The following PAK5 variants were observed in gnomAD, a reference collection of about 807,000 sequenced individuals.
PAK5 encodes serine/threonine-protein kinase PAK 5.
In PAK5, 16 loss-of-function variants were observed where a neutral mutation model predicts 65.9. The observed-to-expected ratio is 0.24, with a 90% CI of 0.16 to 0.37. PAK5 has a LOEUF of 0.37. Ranked by LOEUF, PAK5 falls within the 10% of genes least tolerant of loss-of-function variation. The pLI is 1.00. For missense variants in PAK5, 785 were observed against 903.9 expected (o/e 0.87, Z 1.69); for synonymous variants, 371 against 354.9 (o/e 1.05, Z -0.51).
chr20:9,593,757 A>T (rs2046215317), intron 3 of PAK5, among the ~76,000 whole-genome samples: 1 of 152,132 alleles, frequency 6.6e-6, no homozygotes, highest in Non-Finnish European at 1.5e-5. Flanking sequence ...CTATATACAG[A>T]ATCAAATCAT....
At chr20:9,610,009 A>G (rs905772043) in intron 3 of PAK5, among the ~76,000 whole-genome samples, 1 of 152,120 alleles carries the variant, frequency 6.6e-6, no homozygotes, top group African/African-American at 2.4e-5. Context: ...TTTGTTTTAA[A>G]TAAGACACAG....
At chr20:9,680,714 G>C (rs6056799) in intron 2 of PAK5, among the ~76,000 whole-genome samples, 2 of 152,172 alleles carry the variant, frequency 1.3e-5, no homozygotes, top group East Asian at 3.9e-4. Flanking sequence ...TAGACATGTA[G>C]AGGAATGTTA....
chr20:9,566,108 G>T lies in PAK5; in HGVS notation c.1267C>A (p.Gln423Lys), dbSNP rs749580822. The change falls in exon 5 of 10, where the codon CAG (glutamine) becomes AAG (lysine). Residue 423 changes from glutamine (Q) to lysine (K), a missense_variant. Gln to Lys is a moderately conservative substitution (Grantham distance 53, BLOSUM62 1). Transcript: ENST00000353224. ...PPSWGSSSDQ[Q>K]PSRVSHEQFR... ...TGTTCATGGGACACCCTGGAGGGCT[G>T]CTGGTCGGAGGAGGAGCCCCAGCTG... is the stretch of plus-strand genomic sequence containing the variant. The T allele has an allele frequency of 1.9e-6, 3 of 1,613,962 alleles. No homozygotes were observed. Among genetic ancestry groups the T allele is most frequent in the South Asian group, 2.2e-5 (2 of 91,074 alleles).
chr20:9,616,924 T>C (rs1021621471), intron 3 of PAK5, among the ~76,000 whole-genome samples: 8 of 152,234 alleles, frequency 5.3e-5, no homozygotes, highest in Non-Finnish European at 1.2e-4. Flanking sequence ...TTGTTTATTC[T>C]TTCACTTTGG....
At chr20:9,716,808 G>A (rs2048152528) in intron 1 of PAK5, among the ~76,000 whole-genome samples, 1 of 152,124 alleles carries the variant, frequency 6.6e-6, no homozygotes, top group Non-Finnish European at 1.5e-5. Context: ...TGGGGGCCAG[G>A]TGTGGTGGCT....
intron 1 of PAK5, among the ~76,000 whole-genome samples, chr20:9,715,347 T>C (rs906828249): frequency 2.6e-5 from 4 of 152,186 alleles, no homozygotes; most frequent in African/African-American, 9.6e-5. Flanking sequence ...CACAATGAGA[T>C]ACCTTCTCAC....
intron 6 of PAK5, among the ~76,000 whole-genome samples, chr20:9,561,285 A>T (rs1332277968): frequency 6.6e-6 from 1 of 152,194 alleles, no homozygotes; most frequent in Non-Finnish European, 1.5e-5. Context: ...GAACCTTGAC[A>T]AAGGTAGAGC....
intron 1 of PAK5, among the ~76,000 whole-genome samples, chr20:9,755,859 A>G (rs2048627617): frequency 6.6e-6 from 1 of 152,234 alleles, no homozygotes; most frequent in Non-Finnish European, 1.5e-5. Context: ...TTAAAGTAAG[A>G]TGGCAACCCA....
intron 1 of PAK5, among the ~76,000 whole-genome samples, chr20:9,782,102 C>T (rs149331344): frequency 1.3e-5 from 2 of 152,292 alleles, no homozygotes; most frequent in East Asian, 1.9e-4. Flanking sequence ...ATTACCTCCC[C>T]TTGTTCCAGC....
At chr20:9,608,298 A>C (rs933931294) in intron 3 of PAK5, among the ~76,000 whole-genome samples, 1 of 152,266 alleles carries the variant, frequency 6.6e-6, no homozygotes, top group African/African-American at 2.4e-5. Context: ...TTGGCAACTT[A>C]ATAGATTCAG....
chr20:9,657,610 T>G (rs1007408368), intron 2 of PAK5, among the ~76,000 whole-genome samples: 7 of 152,202 alleles, frequency 4.6e-5, no homozygotes, highest in African/African-American at 1.4e-4. Context: ...CTGGAGTATT[T>G]AAAATTAAAG....
chr20:9,721,527 C>T (rs1249107869), intron 1 of PAK5, among the ~76,000 whole-genome samples: 1 of 151,746 alleles, frequency 6.6e-6, no homozygotes. Flanking sequence ...GTGGCTCGCA[C>T]CTGTAATCTC....
intron 1 of PAK5, among the ~76,000 whole-genome samples, chr20:9,764,708 T>A (rs955647776): frequency 6.6e-6 from 1 of 152,200 alleles, no homozygotes; most frequent in African/African-American, 2.4e-5. Context: ...TGTTATTGCT[T>A]AAGAAACAGT....
At chr20:9,825,375 A>G (rs1292949531) in intron 1 of PAK5, among the ~76,000 whole-genome samples, 2 of 152,126 alleles carry the variant, frequency 1.3e-5, no homozygotes, top group Non-Finnish European at 2.9e-5. Context: ...TGATTCCAAT[A>G]TTGATTTTGA....
At chr20:9,594,528 G>A (rs1355073640) in intron 3 of PAK5, among the ~76,000 whole-genome samples, 1 of 152,168 alleles carries the variant, frequency 6.6e-6, no homozygotes, top group East Asian at 1.9e-4. Flanking sequence ...GAATTATGAA[G>A]TTTTGCTGGT....
intron 4 of PAK5, among the ~76,000 whole-genome samples, chr20:9,570,056 T>C (rs1318181800): frequency 1.4e-5 from 2 of 141,010 alleles, no homozygotes; most frequent in African/African-American, 6.0e-5. Flanking sequence ...TCTGATAATT[T>C]TAGTCAAATC....
At chr20:9,581,003 C>A (rs906436969) in intron 3 of PAK5, 73 bp from the exon 4 acceptor site, 6 of 1,071,954 alleles carry the variant, frequency 5.6e-6, no homozygotes, top group Non-Finnish European at 6.7e-6. Flanking sequence ...CATCCCACCC[C>A]CACTCCATCC....
At chr20:9,626,541 C>T (rs1294453421) in intron 3 of PAK5, among the ~76,000 whole-genome samples, 1 of 152,128 alleles carries the variant, frequency 6.6e-6, no homozygotes, top group African/African-American at 2.4e-5. Context: ...CAAAAACAAA[C>T]AAACAAAAAG....
At chr20:9,673,893 G>A (rs2047533768) in intron 2 of PAK5, among the ~76,000 whole-genome samples, 2 of 152,202 alleles carry the variant, frequency 1.3e-5, no homozygotes, top group South Asian at 4.1e-4. Flanking sequence ...TGACCCCAGT[G>A]CAGTCTGCTC....
Sources: allele counts gnomAD v4.1 joint callset (sites outside exome capture counted in the v4.1 genomes callset), GRCh38; gene constraint gnomAD v4.1.1; transcripts MANE v1.5; gene names NCBI Gene and HGNC (gene_info 2026-07-23, HGNC 2026-07-21).